Variants in ZKSCAN4 observed in about 807,000 individuals in gnomAD.
ZKSCAN4 encodes the protein zinc finger with KRAB and SCAN domains 4.
A neutral mutation model predicts 30.8 loss-of-function variants in ZKSCAN4; 23 were observed. That is an observed-to-expected ratio of 0.75 (90% CI 0.54 to 1.06). ZKSCAN4 has a LOEUF of 1.06. Ranked by LOEUF, ZKSCAN4 falls within the 50% of genes least tolerant of loss-of-function variation. ZKSCAN4 has a pLI of 0.00. For missense variants in ZKSCAN4, 556 were observed against 665.4 expected, an observed-to-expected ratio of 0.84 and a Z score of 1.81; for synonymous variants, 208 against 252.5, an observed-to-expected ratio of 0.82 and a Z score of 1.67.
the ZKSCAN4 span, among the ~76,000 whole-genome samples, chr6:28,259,127 C>T: frequency 6.6e-6 from 1 of 152,210 alleles, no homozygotes; most frequent in African/African-American, 2.4e-5. Context: ...TGTTCCCACA[C>T]GGCTCAAGTT....
rs550868110 is a variant in ZKSCAN4, at chr6:28,244,945, T to C, written c.*171A>G. 3.3e-5 allele frequency: 29 copies of C among 875,390 alleles called. No homozygotes were observed. In the Admixed American group the frequency reaches 4.5e-4, roughly 14 times the overall value. The allele number at this position is 875,390 out of a possible 1,614,324, so 54.2% of individuals were successfully genotyped here. A position where few individuals can be genotyped will look rare whatever the true frequency, so the allele number is the denominator to read the frequency against. On this transcript the variant is annotated 3_prime_UTR_variant, in exon 5 of 5. Coordinates refer to ENST00000377294, the MANE Select transcript of ZKSCAN4 (RefSeq NM_019110.5). ...ATCAAATGACTTCTTCCAATCACTT[T>C]CTAGAATGTAGAAGATAACTCATCG... is the stretch of plus-strand genomic sequence containing the variant.
intron 2 of ZKSCAN4, among the ~76,000 whole-genome samples, chr6:28,248,855 A>G (rs1760868076): frequency 6.6e-6 from 1 of 151,724 alleles, no homozygotes; most frequent in South Asian, 2.1e-4. Flanking sequence ...GAAAAAAGAA[A>G]AAGAAAAACT....
At chr6:28,253,958 C>T (rs895391533), upstream of ZKSCAN4, among the ~76,000 whole-genome samples, 8 of 152,114 alleles carry the variant, frequency 5.3e-5, no homozygotes, top group African/African-American at 1.7e-4. This position sits in a 1 kb window ranked among gnomAD's most constrained non-coding sequence, Gnocchi z 4.2. Flanking sequence ...GGCCAACTTT[C>T]CTAGGTGATT....
In ZKSCAN4 at chr6:28,245,649, C is replaced by T. The variant is rs756861904; in HGVS notation, c.1105G>A (p.Val369Ile). The part of the protein sequence containing the change: ...GSSALVIHQR[V>I]HTGEKPYECE... Reference sequence around the variant, plus strand: ...TCATATGGCTTCTCACCAGTGTGGACTCTCTGATGAATGACAAGGGCAGAG... The same window carrying T: ...TCATATGGCTTCTCACCAGTGTGGATTCTCTGATGAATGACAAGGGCAGAG... Residue 369 changes from valine (V) to isoleucine (I), a missense_variant, in exon 5 of 5, where the codon GTC (valine) becomes ATC (isoleucine). Physicochemically the swap from Val to Ile is conservative, Grantham distance 29. This residue lies in a region of ZKSCAN4 where 433 missense variants were observed against 511.5 expected (regional missense o/e 0.85). Coordinates refer to ENST00000377294, the MANE Select transcript of ZKSCAN4 (RefSeq NM_019110.5). The T allele has an allele frequency of 1.2e-6, 2 of 1,613,822 alleles. No individual in the cohort carries two copies. Among genetic ancestry groups the T allele is most frequent in the African/African-American group, 2.7e-5 (2 of 74,846 alleles).
rs949273656 is a variant in ZKSCAN4 at position 28,242,686 on chromosome 6, A to G, written c.*2430T>C. ...GTTTACCACTCATAAGGCATTTATC[A>G]TTACACTGCCTTATTTGTGTGCAAG... On this transcript the variant is annotated 3_prime_UTR_variant, in exon 5 of 5. Transcript: ENST00000377294. Among the ~76,000 whole-genome samples the G allele has an allele frequency of 5.4e-4, 82 of 152,030 alleles. No homozygotes were observed. The highest frequency in any genetic ancestry group is 1.9e-3 in the African/African-American group (80 of 41,374).
In ZKSCAN4 at chr6:28,243,679, T is replaced by A. The variant is rs60913498; in HGVS notation, c.*1437A>T. Among the ~76,000 whole-genome samples, 13,279 of 150,824 alleles carry A rather than the reference T, an allele frequency of 0.088. 737 individuals are homozygous for A. Among genetic ancestry groups the A allele is most frequent in the African/African-American group, 0.18 (7,506 of 40,662 alleles). Reference sequence around the variant, plus strand: ...ATTTTCTTTTCTTTTTTTTTTTTCTTTTTGAGACAGAGTCTCACTCTGAAA... The same window carrying A: ...ATTTTCTTTTCTTTTTTTTTTTTCTATTTGAGACAGAGTCTCACTCTGAAA... On this transcript the variant is annotated 3_prime_UTR_variant, in exon 5 of 5. Transcript: ENST00000377294.
Position 28,249,965 on chromosome 6 carries a change from T to C in ZKSCAN4, c.424-131A>G. On this transcript the variant is annotated intron_variant, in intron 1 of 4. Coordinates refer to ENST00000377294, the MANE Select transcript of ZKSCAN4 (RefSeq NM_019110.5). The surrounding 1 kb of genome is among the most constrained non-coding windows in gnomAD (Gnocchi z 4.1). Reference sequence around the variant, plus strand: ...ACAATTAATATAGATAACAACCCTGTGAGCTATTATTTTGGATTTTTATGA... The same window carrying C: ...ACAATTAATATAGATAACAACCCTGCGAGCTATTATTTTGGATTTTTATGA... 4 of 1,048,822 alleles carry C rather than the reference T, an allele frequency of 3.8e-6. No individual in the cohort carries two copies. Among genetic ancestry groups the C allele is most frequent in the Non-Finnish European group, 5.4e-6 (4 of 737,912 alleles). The allele number at this position is 1,048,822 out of a possible 1,614,324, so 65.0% of individuals were successfully genotyped here. A position where few individuals can be genotyped will look rare whatever the true frequency, so the allele number is the denominator to read the frequency against.
chr6:28,258,743 G>A, the ZKSCAN4 span, among the ~76,000 whole-genome samples: 4 of 145,202 alleles, frequency 2.8e-5, no homozygotes, highest in South Asian at 4.6e-4. Flanking sequence ...ACCCCAACCT[G>A]GGCGACAGAG....
intron 1 of ZKSCAN4, among the ~76,000 whole-genome samples, chr6:28,250,741 C>T (rs760056266): frequency 1.3e-5 from 2 of 152,310 alleles, no homozygotes; most frequent in East Asian, 1.9e-4. Context: ...TACTGTCTCA[C>T]GTGCAGCTCA....
At chr6:28,252,743 C>T (rs1009126100), upstream of ZKSCAN4, among the ~76,000 whole-genome samples, 1 of 152,034 alleles carries the variant, frequency 6.6e-6, no homozygotes, top group Non-Finnish European at 1.5e-5. Flanking sequence ...CTACTCCTCC[C>T]GACCCTGACT....
In ZKSCAN4 at chr6:28,247,270, T is replaced by C. The variant is rs182023277; in HGVS notation, c.655-178A>G. ...GAAAACCTGCCAAATGAAAGAAATA[T>C]TACACACATTTTAGGATAAGTACTT... On this transcript the variant is annotated intron_variant, in intron 3 of 4. Coordinates refer to ENST00000377294, the MANE Select transcript of ZKSCAN4 (RefSeq NM_019110.5). Among the ~76,000 whole-genome samples, 13 of 152,278 alleles carry C rather than the reference T, an allele frequency of 8.5e-5. No individual in the cohort carries two copies. In the East Asian group the frequency reaches 2.1e-3, roughly 25 times the overall value.
Position 28,247,033 on chromosome 6 carries a change from A to G in ZKSCAN4, c.714T>C (p.Asp238=), listed in dbSNP as rs62638679. The change falls in exon 4 of 5, where the codon GAT becomes GAC. Residue 238 remains aspartate, a synonymous_variant. Coordinates refer to ENST00000377294, the MANE Select transcript of ZKSCAN4 (RefSeq NM_019110.5). ...CTCTGTAGAGGTTCACCTGAGATGAATCCAGCTGTGTCCACCCAGGAGTGA... is the reference window on the plus strand; with the variant it reads ...CTCTGTAGAGGTTCACCTGAGATGAGTCCAGCTGTGTCCACCCAGGAGTGA... ...LTLTPGWTQL[D]SSQVNLYRDE... is the part of the protein sequence containing the mutation. 3.5e-3 allele frequency: 5,608 copies of G among 1,613,286 alleles called. 113 individuals are homozygous for G. In the African/African-American group the frequency reaches 0.043, roughly 12 times the overall value.
In ZKSCAN4 at chr6:28,247,018, G is replaced by C. The variant is rs756363120; in HGVS notation, c.729C>G (p.Asn243Lys). 5 of 1,613,224 alleles carry C rather than the reference G, an allele frequency of 3.1e-6. No homozygotes were observed. The highest frequency in any genetic ancestry group is 4.5e-5 in the East Asian group (2 of 44,840). Residue 243 changes from asparagine to lysine, a missense_variant, in exon 4 of 5, where the codon AAC (asparagine) becomes AAG (lysine). Asn to Lys is a moderately conservative substitution (Grantham distance 94). Transcript: ENST00000377294. ...TCTCCTGCTTTTCATCTCTGTAGAGGTTCACCTGAGATGAATCCAGCTGTG... is the reference window on the plus strand; with the variant it reads ...TCTCCTGCTTTTCATCTCTGTAGAGCTTCACCTGAGATGAATCCAGCTGTG... Reference protein sequence around the residue: ...GWTQLDSSQVNLYRDEKQENH... With the variant: ...GWTQLDSSQVKLYRDEKQENH...
chr6:28,258,293 G>A, the ZKSCAN4 span, among the ~76,000 whole-genome samples: 1 of 152,160 alleles, frequency 6.6e-6, no homozygotes, highest in East Asian at 1.9e-4. Context: ...TTTAAGATGA[G>A]AGATAAATGA....
intron 3 of ZKSCAN4, 136 bp from the exon 4 acceptor site, chr6:28,247,228 A>G (rs1205293723): frequency 8.5e-6 from 8 of 936,764 alleles, no homozygotes; most frequent in Non-Finnish European, 9.0e-6. Flanking sequence ...CTTTATCTCT[A>G]ATAACATCTT....
Position 28,251,263 on chromosome 6 carries a change from T to G in ZKSCAN4, c.423+295A>C, listed in dbSNP as rs1760979187. On this transcript the variant is annotated intron_variant, in intron 1 of 4. Coordinates refer to ENST00000377294, the MANE Select transcript of ZKSCAN4 (RefSeq NM_019110.5). This position sits in a 1 kb window ranked among gnomAD's most constrained non-coding sequence, Gnocchi z 4.5. ...CAATTATAAGCCCTGTCCCTAGGTC[T>G]TATTATTTAGTGCAGTAATAAAAAT... 6.6e-6 allele frequency among the ~76,000 whole-genome samples: 1 copy of G among 152,234 alleles called. No homozygotes were observed. Among genetic ancestry groups the G allele is most frequent in the Admixed American group, 6.5e-5 (1 of 15,290 alleles).
In ZKSCAN4 at chr6:28,247,962, T is replaced by C. The variant is rs144095017; in HGVS notation, c.654+105A>G. ...ATGAGAAAACTCAAATTCATGTAGA[T>C]CTAGGATAGGGGTGGGGTAGGACTG... On this transcript the variant is annotated intron_variant, in intron 3 of 4. Transcript: ENST00000377294. The C allele has an allele frequency of 3.1e-5, 22 of 705,292 alleles. No individual in the cohort carries two copies. In the African/African-American group the frequency reaches 3.7e-4, roughly 12 times the overall value. 43.7% of individuals were successfully genotyped at this position (705,292 alleles called of 1,614,324 possible).
In ZKSCAN4 at chr6:28,245,861, G is replaced by A; in HGVS notation, c.893C>T (p.Ala298Val). ...REDIAQIPTH[A>V]EAGEQEGRLQ... is the part of the protein sequence containing the mutation. ...CCTGCCCTCCTGTTCACCAGCTTCT[G>A]CATGTGTAGGAATCTGGGCAATGTC... The change falls in exon 5 of 5, where the codon GCA (alanine) becomes GTA (valine). Residue 298 changes from alanine (A) to valine (V), a missense_variant. Around this residue, in one of 3 missense-constraint regions of ZKSCAN4, gnomAD observed 433 missense variants for 511.5 expected, o/e 0.85. Transcript: ENST00000377294. 6.2e-7 allele frequency: 1 copy of A among 1,614,180 alleles called. No individual in the cohort carries two copies. The highest frequency in any genetic ancestry group is 1.7e-5 in the Admixed American group (1 of 60,030).
chr6:28,248,048 G>C lies in ZKSCAN4; in HGVS notation c.654+19C>G. On this transcript the variant is annotated intron_variant, in intron 3 of 4. Transcript: ENST00000377294. ...TGAAAGGTATGGGGCGCTGGGGAGG[G>C]AGAGGAGCTCCAGCTCACCTGGGAC... 1 of 1,598,584 alleles carries C rather than the reference G, an allele frequency of 6.3e-7. No individual in the cohort carries two copies. Among genetic ancestry groups the C allele is most frequent in the Non-Finnish European group, 8.5e-7 (1 of 1,169,712 alleles).
Sources: gnomAD v4.1 joint callset for allele counts (sites outside exome capture counted in the v4.1 genomes callset) on GRCh38, gnomAD v4.1.1 for gene constraint, gnomAD v4.1.1 regional missense constraint, Gnocchi (gnomAD v3.1) non-coding constraint, MANE v1.5 for transcripts, NCBI Gene and HGNC (gene_info 2026-07-23, HGNC 2026-07-21) for gene names.